Variants in EHMT1 observed in about 807,000 individuals in gnomAD.
EHMT1 encodes histone-lysine N-methyltransferase EHMT1.
Under a neutral mutation model 147.2 loss-of-function variants are expected in EHMT1, and 15 were observed. The ratio of observed to expected loss-of-function variants is 0.10; its 90% CI spans 0.07 to 0.16. The LOEUF (loss-of-function observed/expected upper bound fraction) is 0.16, where lower values mean the gene tolerates loss of function less well. EHMT1 is among the 10% of genes least tolerant of loss of function. The pLI is 1.00. For missense variants in EHMT1, 1,587 were observed against 1,772.4 expected (o/e 0.90, Z 1.88); for synonymous variants, 795 against 709.6 (o/e 1.12, Z -1.91).
chr9:137,677,390 C>G (rs1438056729), intron 1 of EHMT1, among the ~76,000 whole-genome samples: 1 of 152,140 alleles, frequency 6.6e-6, no homozygotes, highest in Non-Finnish European at 1.5e-5. Flanking sequence ...CTACCTCGTC[C>G]TCCTAAAGTG....
At chr9:137,649,632 T>C (rs1281568950) in intron 1 of EHMT1, among the ~76,000 whole-genome samples, 1 of 152,058 alleles carries the variant, frequency 6.6e-6, no homozygotes, top group Non-Finnish European at 1.5e-5. Flanking sequence ...TAGTGACTGG[T>C]GTCCATAAGA....
At chr9:137,679,338 C>T (rs1200345335) in intron 1 of EHMT1, among the ~76,000 whole-genome samples, 1 of 152,102 alleles carries the variant, frequency 6.6e-6, no homozygotes, top group African/African-American at 2.4e-5. Context: ...AGCAAAACCA[C>T]GGATCAGGGG....
intron 6 of EHMT1, among the ~76,000 whole-genome samples, chr9:137,744,292 T>C (rs981058155): frequency 1.1e-4 from 17 of 150,036 alleles, no homozygotes; most frequent in African/African-American, 4.1e-4. Context: ...ACATCATTCA[T>C]TGAAGTAAAC....
rs2135511283 is a variant in EHMT1, at chr9:137,717,082, A to G, written c.542A>G (p.Glu181Gly). 1 of 1,610,876 alleles carries G rather than the reference A, an allele frequency of 6.2e-7. No individual in the cohort carries two copies. The highest frequency in any genetic ancestry group is 2.2e-5 in the East Asian group (1 of 44,820). ...TPAAPPATLG[E>G]GSADTEDRKL... ...GCCGCCCCACCAGCCACCCTTGGGG[A>G]GGGGAGTGCTGACACAGAGGACAGG... The change falls in exon 3 of 27, where the codon GAG (glutamate) becomes GGG (glycine). Residue 181 changes from glutamate to glycine, a missense_variant. Around this residue, in one of 7 missense-constraint regions of EHMT1, gnomAD observed 810 missense variants for 673.0 expected, o/e 1.20. Coordinates refer to ENST00000460843, the MANE Select transcript of EHMT1 (RefSeq NM_024757.5).
intron 1 of EHMT1, among the ~76,000 whole-genome samples, chr9:137,706,736 C>T (rs957842057): frequency 1.3e-5 from 2 of 151,998 alleles, no homozygotes; most frequent in African/African-American, 4.8e-5. Flanking sequence ...ATCCGCCTGC[C>T]TCGGCCTCCC....
intron 23 of EHMT1, chr9:137,816,761 A>T (rs1041585778): frequency 6.1e-6 from 1 of 165,212 alleles, no homozygotes; most frequent in African/African-American, 2.4e-5. Context: ...AACTTGGTTC[A>T]TGGTGAAAGG....
intron 6 of EHMT1, among the ~76,000 whole-genome samples, chr9:137,751,153 T>C (rs1262567963): frequency 6.6e-6 from 1 of 152,250 alleles, no homozygotes; most frequent in African/African-American, 2.4e-5. Context: ...ATATAAAATA[T>C]TGAACTATGG....
intron 10 of EHMT1, among the ~76,000 whole-genome samples, chr9:137,774,412 C>T (rs1291531394): frequency 6.7e-6 from 1 of 149,628 alleles, no homozygotes; most frequent in African/African-American, 2.5e-5. Context: ...CGCGTCTGAC[C>T]CCCTGGATCT....
At chr9:137,746,867 A>C (rs1044917550) in intron 6 of EHMT1, 2 of 152,256 alleles carry the variant, frequency 1.3e-5, no homozygotes, top group Non-Finnish European at 2.9e-5. Context: ...TTCTAGAGGA[A>C]CTGGACACTG....
chr9:137,819,785 G>A (rs1175274763), intron 25 of EHMT1, among the ~76,000 whole-genome samples: 1 of 151,932 alleles, frequency 6.6e-6, no homozygotes, highest in Non-Finnish European at 1.5e-5. Flanking sequence ...TGTGTCCCCA[G>A]CCCACCCAAT....
At position 137,807,469 on chromosome 9, in the gene EHMT1, CTTTA is replaced by C. The variant is rs1232738702; in HGVS notation, c.2713-3987_2713-3984del. Among the ~76,000 whole-genome samples, 4 of 135,802 alleles carry C rather than the reference CTTTA, an allele frequency of 2.9e-5. No homozygotes were observed. The East Asian group carries it at 8.4e-4, about 28-fold the overall frequency. The allele number at this position is 135,802 out of a possible 152,430, so 89.1% of individuals were successfully genotyped here. On this transcript the variant is annotated intron_variant, in intron 18 of 26. Coordinates refer to ENST00000460843, the MANE Select transcript of EHMT1 (RefSeq NM_024757.5). ...CTATAGAATACAGTTATACCAATGG[CTTTA>C]TTTACTTATTTATTTATTTATTTAT...
chr9:137,817,234 G>C (rs1302126182), intron 23 of EHMT1: 1 of 642,644 alleles, frequency 1.6e-6, no homozygotes, highest in African/African-American at 1.8e-5. Context: ...TGTGGGCTGG[G>C]GTGCTCCTGG....
intron 1 of EHMT1, among the ~76,000 whole-genome samples, chr9:137,621,868 A>T (rs898866818): frequency 6.6e-6 from 1 of 151,642 alleles, no homozygotes; most frequent in African/African-American, 2.4e-5. Flanking sequence ...AAAATAATGC[A>T]GGCACGTGCG....
chr9:137,713,879 G>A (rs1024419584), intron 2 of EHMT1, among the ~76,000 whole-genome samples: 1 of 152,054 alleles, frequency 6.6e-6, no homozygotes, highest in Admixed American at 6.6e-5. Flanking sequence ...GAACCCGGGA[G>A]GCAGAGCTTG....
At chr9:137,815,878 TG>T (rs1564815602) in intron 22 of EHMT1, 68 bp from the exon 23 acceptor site, 1 of 1,320,804 alleles carries the variant, frequency 7.6e-7, no homozygotes, top group Non-Finnish European at 1.1e-6. Context: ...TTAGTAGAAA[TG>T]GGTTGATGTC....
At chr9:137,679,639 A>T (rs926480964) in intron 1 of EHMT1, among the ~76,000 whole-genome samples, 1 of 151,994 alleles carries the variant, frequency 6.6e-6, no homozygotes, top group Non-Finnish European at 1.5e-5. Context: ...GCCCGTTTTT[A>T]TGTTGTCTTT....
intron 15 of EHMT1, chr9:137,788,044 TG>T (rs1013713939): frequency 7.3e-7 from 1 of 1,366,620 alleles, no homozygotes; most frequent in African/African-American, 1.4e-5. Flanking sequence ...GTTGAGGGCC[TG>T]ATGGCTCCCG....
chr9:137,760,821 AAC>A (rs1332965653), intron 9 of EHMT1, among the ~76,000 whole-genome samples: 1 of 152,202 alleles, frequency 6.6e-6, no homozygotes, highest in African/African-American at 2.4e-5. Context: ...CATCCTGGCT[AAC>A]ACAGTGAAAC....
At chr9:137,802,845 A>T (rs1953616913) in intron 18 of EHMT1, 2 of 1,231,754 alleles carry the variant, frequency 1.6e-6, no homozygotes, top group Non-Finnish European at 2.0e-6. Context: ...GTTCTTTCCC[A>T]CTGCGGGTTA....
Sources: allele counts gnomAD v4.1 joint callset (sites outside exome capture counted in the v4.1 genomes callset), GRCh38; gene constraint gnomAD v4.1.1; regional missense constraint gnomAD v4.1.1; transcripts MANE v1.5; gene names NCBI Gene and HGNC (gene_info 2026-07-23, HGNC 2026-07-21).